MAB21L3: variants seen among roughly 807,000 people sequenced by gnomAD.
MAB21L3 encodes the protein mab-21 like 3.
Under a neutral mutation model 37.7 loss-of-function variants are expected in MAB21L3, and 36 were observed. The ratio of observed to expected loss-of-function variants is 0.96; its 90% confidence interval spans 0.73 to 1.26. The LOEUF (loss-of-function observed/expected upper bound fraction) is 1.26. Ranked by LOEUF, MAB21L3 falls within the 50% of genes most tolerant of loss-of-function variation. MAB21L3 has a pLI of 0.00. For missense variants in MAB21L3, 430 were observed against 447.3 expected (o/e 0.96, Z 0.35); for synonymous variants, 186 against 176.8 (o/e 1.05, Z -0.41).
chr1:116,136,336 A>G lies in MAB21L3; in HGVS notation c.*2971A>G, dbSNP rs1381485810. 1.3e-5 allele frequency among the ~76,000 whole-genome samples: 2 copies of G among 152,218 alleles called. No individual in the cohort carries two copies. Among genetic ancestry groups the G allele is most frequent in the African/African-American group, 4.8e-5 (2 of 41,448 alleles). On this transcript the variant is annotated 3_prime_UTR_variant, in exon 8 of 8. Transcript: ENST00000369500. ...ACAAGCATTCTTATACACCAATAACAGACAGAGAGCCAAATCATGAGTGAA... is the reference window on the plus strand; with the variant it reads ...ACAAGCATTCTTATACACCAATAACGGACAGAGAGCCAAATCATGAGTGAA...
intron 7 of MAB21L3, 60 bp downstream of exon 7, chr1:116,128,399 G>A (rs772048278): frequency 6.6e-6 from 10 of 1,504,622 alleles, no homozygotes; most frequent in Middle Eastern, 2.4e-4. Context: ...CATTCTTCCT[G>A]TGGCCTCTGT....
intron 3 of MAB21L3, among the ~76,000 whole-genome samples, chr1:116,118,648 A>G (rs1372298664): frequency 2.6e-5 from 4 of 151,932 alleles, no homozygotes; most frequent in Middle Eastern, 3.4e-3. Flanking sequence ...CCACTTCACC[A>G]CCTCTTCTAG....
At chr1:116,131,014 C>G (rs1570814112) in intron 7 of MAB21L3, among the ~76,000 whole-genome samples, 1 of 152,142 alleles carries the variant, frequency 6.6e-6, no homozygotes, top group African/African-American at 2.4e-5. Flanking sequence ...TAAACCATAA[C>G]ATTAATGGAT....
At chr1:116,116,964 T>C (rs1414257504) in intron 3 of MAB21L3, among the ~76,000 whole-genome samples, 1 of 152,030 alleles carries the variant, frequency 6.6e-6, no homozygotes, top group Non-Finnish European at 1.5e-5. Context: ...CACCATCAAA[T>C]GAGGGCACAA....
intron 7 of MAB21L3, among the ~76,000 whole-genome samples, chr1:116,129,742 G>A (rs1268459172): frequency 1.3e-5 from 2 of 152,168 alleles, no homozygotes; most frequent in Non-Finnish European, 2.9e-5. Flanking sequence ...AATATTTGTT[G>A]AGCAAATGAA....
At chr1:116,119,033 T>G (rs922501130) in intron 3 of MAB21L3, among the ~76,000 whole-genome samples, 8 of 152,252 alleles carry the variant, frequency 5.3e-5, no homozygotes, top group African/African-American at 1.9e-4. Flanking sequence ...ATAAAATGGA[T>G]GTTCCACTCA....
chr1:116,125,737 C>T lies in MAB21L3; in HGVS notation c.481+1380C>T, dbSNP rs553076464. On this transcript the variant is annotated intron_variant, in intron 5 of 7. Transcript: ENST00000369500. ...GTTTCATGGGTTATTTAATTTAATC[C>T]TCATAACCACACAATACAGTAAGAA... Among the ~76,000 whole-genome samples the T allele has an allele frequency of 6.6e-5, 10 of 152,208 alleles. No individual in the cohort carries two copies. In the South Asian group the frequency reaches 1.0e-3, roughly 16 times the overall value.
chr1:116,137,728 A>G lies in MAB21L3; in HGVS notation c.*4363A>G, dbSNP rs1017331484. On this transcript the variant is annotated 3_prime_UTR_variant, in exon 8 of 8. Coordinates refer to ENST00000369500, the MANE Select transcript of MAB21L3 (RefSeq NM_152367.3). ...TAGCAGACTTGGAACCAACCCAAAT[A>G]TCCAACAATGATAGAGTGGATTAAG... Among the ~76,000 whole-genome samples the G allele has an allele frequency of 5.3e-5, 8 of 152,154 alleles. No homozygotes were observed. Among genetic ancestry groups the G allele is most frequent in the Non-Finnish European group, 4.4e-5 (3 of 68,018 alleles).
intron 3 of MAB21L3, among the ~76,000 whole-genome samples, chr1:116,118,709 G>A (rs1659657836): frequency 6.6e-6 from 1 of 152,196 alleles, no homozygotes; most frequent in African/African-American, 2.4e-5. Context: ...GGCATGAGGA[G>A]CACAAATTCT....
chr1:116,129,797 A>G (rs1660018235), intron 7 of MAB21L3, among the ~76,000 whole-genome samples: 1 of 152,214 alleles, frequency 6.6e-6, no homozygotes, highest in African/African-American at 2.4e-5. Flanking sequence ...TTTTTCGCAC[A>G]AAATCACTAA....
chr1:116,127,658 G>C lies in MAB21L3; in HGVS notation c.660+14G>C, dbSNP rs1482128010. ...GAGTGCATCAAGGTATCAGTGGGCGGGACCCAGCTTGCCAGAGCAGTGATG... is the reference window on the plus strand; with the variant it reads ...GAGTGCATCAAGGTATCAGTGGGCGCGACCCAGCTTGCCAGAGCAGTGATG... On this transcript the variant is annotated intron_variant, in intron 6 of 7. Transcript: ENST00000369500. The C allele has an allele frequency of 1.2e-6, 2 of 1,603,170 alleles. No homozygotes were observed. The highest frequency in any genetic ancestry group is 1.7e-6 in the Non-Finnish European group (2 of 1,174,820).
intron 5 of MAB21L3, among the ~76,000 whole-genome samples, chr1:116,124,859 C>T (rs1659853744): frequency 7.4e-6 from 1 of 135,392 alleles, no homozygotes; most frequent in African/African-American, 3.0e-5. Context: ...AGCTACTGTA[C>T]AGCATATGCA....
intron 3 of MAB21L3, among the ~76,000 whole-genome samples, chr1:116,113,605 C>G (rs1036968286): frequency 2.6e-5 from 4 of 152,178 alleles, no homozygotes; most frequent in Non-Finnish European, 5.9e-5. Flanking sequence ...TTTCCAATAG[C>G]AGAAATCCTA....
chr1:116,117,452 A>T (rs1659625277), intron 3 of MAB21L3, among the ~76,000 whole-genome samples: 1 of 152,064 alleles, frequency 6.6e-6, no homozygotes, highest in African/African-American at 2.4e-5. Context: ...TCCGTTCTTT[A>T]TTCCGGCTGG....
At position 116,137,593 on chromosome 1, in the gene MAB21L3, A is replaced by T. The variant is rs1660221548; in HGVS notation, c.*4228A>T. On this transcript the variant is annotated 3_prime_UTR_variant, in exon 8 of 8. Coordinates refer to ENST00000369500, the MANE Select transcript of MAB21L3 (RefSeq NM_152367.3). ...GATTCCTCAGGGATCTAGAACTAGA[A>T]ATACCATTTGACCCAGCCATCCCAT... 6.7e-6 allele frequency among the ~76,000 whole-genome samples: 1 copy of T among 150,044 alleles called. No individual in the cohort carries two copies. Among genetic ancestry groups the T allele is most frequent in the Non-Finnish European group, 1.5e-5 (1 of 67,674 alleles).
chr1:116,129,031 T>C (rs1659991418), intron 7 of MAB21L3, among the ~76,000 whole-genome samples: 1 of 152,252 alleles, frequency 6.6e-6, no homozygotes, highest in Non-Finnish European at 1.5e-5. Context: ...GTACCTGCTG[T>C]GGGCTCAACC....
At chr1:116,128,098 G>C (rs1427293463) in intron 6 of MAB21L3, 47 bp from the exon 7 acceptor site, 6 of 1,566,766 alleles carry the variant, frequency 3.8e-6, no homozygotes, top group Non-Finnish European at 5.2e-6. Flanking sequence ...TTCTACACCA[G>C]TGAGCATTGT....
Position 116,124,077 on chromosome 1 carries a change from C to G in MAB21L3, c.201C>G (p.Pro67=). The G allele has an allele frequency of 6.3e-7, 1 of 1,599,666 alleles. No individual in the cohort carries two copies. Among genetic ancestry groups the G allele is most frequent in the African/African-American group, 1.3e-5 (1 of 74,526 alleles). The change falls in exon 5 of 8, where the codon CCC becomes CCG. Residue 67 remains proline, a synonymous_variant. Coordinates refer to ENST00000369500, the MANE Select transcript of MAB21L3 (RefSeq NM_152367.3). ...TYNENIKVLA[P]SQFLVTVPIK... is the part of the protein sequence containing the mutation. ...TTTCCTGACCCTAGGTTTTGGCTCC[C>G]AGTCAGTTCCTCGTCACAGTCCCAA...
intron 3 of MAB21L3, among the ~76,000 whole-genome samples, chr1:116,114,461 T>G (rs1019048365): frequency 9.9e-5 from 15 of 152,212 alleles, no homozygotes; most frequent in Non-Finnish European, 2.2e-4. Flanking sequence ...TTAAATAACT[T>G]GTCCAAAGTT....
Sources: allele counts gnomAD v4.1 joint callset (sites outside exome capture counted in the v4.1 genomes callset), GRCh38; gene constraint gnomAD v4.1.1; transcripts MANE v1.5; gene names NCBI Gene and HGNC (gene_info 2026-07-23, HGNC 2026-07-21).